XIRP1: variants seen among roughly 807,000 people sequenced by gnomAD.
The protein encoded by XIRP1 is xin actin-binding repeat-containing protein 1.
For missense variants in XIRP1, 2,378 were observed against 2,345.4 expected (o/e 1.01, Z -0.29); for synonymous variants, 984 against 947.0 (o/e 1.04, Z -0.72).
intron 1 of XIRP1, among the ~76,000 whole-genome samples, chr3:39,191,727 G>C (rs770001899): frequency 6.6e-6 from 1 of 151,116 alleles, no homozygotes. Context: ...AGCCTCTCAG[G>C]ATGGTCCCCC....
At chr3:39,191,484 A>G (rs2040088375) in intron 1 of XIRP1, among the ~76,000 whole-genome samples, 1 of 152,032 alleles carries the variant, frequency 6.6e-6, no homozygotes, top group African/African-American at 2.4e-5. Flanking sequence ...TTATTGTTCA[A>G]ATAGGGAAAC....
In XIRP1 at chr3:39,183,689, C is replaced by CTGGGG; in HGVS notation, c.*224_*225insCCCCA. The CTGGGG allele has an allele frequency of 1.4e-6, 1 of 705,114 alleles. No homozygotes were observed. The allele number at this position is 705,114 out of a possible 1,614,324, so 43.7% of individuals were successfully genotyped here. ...GCAGCTGGGAGCCCCCATCCTACCC[C>CTGGGG]CACGCCTGTGCAACTCTGTGGGCCT... On this transcript the variant is annotated 3_prime_UTR_variant, in exon 2 of 2. Transcript: ENST00000340369.
chr3:39,187,952 A>G lies in XIRP1; in HGVS notation c.1494T>C (p.Ser498=). The G allele has an allele frequency of 6.2e-7, 1 of 1,614,152 alleles. No individual in the cohort carries two copies. Among genetic ancestry groups the G allele is most frequent in the Non-Finnish European group, 8.5e-7 (1 of 1,180,026 alleles). The change falls in exon 2 of 2, where the codon TCT becomes TCC. Residue 498 remains serine (S), a synonymous_variant. Transcript: ENST00000340369. Reference sequence around the variant, plus strand: ...CTCCGACTATCTGCTCTCTGCTAACAGAGGTCAGGGCATGGAGGCGGCCCT... The same window carrying G: ...CTCCGACTATCTGCTCTCTGCTAACGGAGGTCAGGGCATGGAGGCGGCCCT... ...DSKGRLHALT[S]VSREQIVGGD... is the part of the protein sequence containing the mutation.
chr3:39,188,452 A>G lies in XIRP1; in HGVS notation c.994T>C (p.Ser332Pro), dbSNP rs754833857. 4.4e-6 allele frequency: 7 copies of G among 1,602,742 alleles called. No homozygotes were observed. The highest frequency in any genetic ancestry group is 6.0e-6 in the Non-Finnish European group (7 of 1,172,284). ...GGACCAGGTGGGATAAGGTCTGGGG[A>G]TGGCTGGAAGTCCTTCTCATCTACC... ...ILVDEKDFQP[S>P]PDLIPPGPDV... The change falls in exon 2 of 2, where the codon TCC (serine) becomes CCC (proline). Residue 332 changes from serine to proline, a missense_variant. Coordinates refer to ENST00000340369, the MANE Select transcript of XIRP1 (RefSeq NM_194293.4).
chr3:39,187,732 T>C lies in XIRP1; in HGVS notation c.1714A>G (p.Lys572Glu). The change falls in exon 2 of 2, where the codon AAA becomes GAA. Residue 572 changes from lysine (K) to glutamate (E), a missense_variant. By Grantham distance (56) the Lys-to-Glu change is moderately conservative. Coordinates refer to ENST00000340369, the MANE Select transcript of XIRP1 (RefSeq NM_194293.4). ...IHQREQQERQ[K>E]EEGKSQGDPQ... ...TCTCCCTGACTCTTCCCTTCTTCTT[T>C]CTGTCGTTCCTGCTGCTCCCGTTGG... is the stretch of plus-strand genomic sequence containing the variant. 6.2e-7 allele frequency: 1 copy of C among 1,614,078 alleles called. No homozygotes were observed. The highest frequency in any genetic ancestry group is 1.1e-5 in the South Asian group (1 of 91,084).
rs775595813 is a variant in XIRP1 at position 39,188,218 on chromosome 3, C to T, written c.1228G>A (p.Gly410Ser). Residue 410 changes from glycine to serine, a missense_variant, in exon 2 of 2, where the codon GGT (glycine) becomes AGT (serine). Physicochemically the swap from Gly to Ser is moderately conservative, Grantham distance 56. Coordinates refer to ENST00000340369, the MANE Select transcript of XIRP1 (RefSeq NM_194293.4). ...GHLQRVDPQD[G>S]EGHLSSDSSS... ...CTGTCACTGGATAGATGCCCCTCAC[C>T]GTCCTGGGGATCCACTCGCTGTAGG... is the stretch of plus-strand genomic sequence containing the variant. 15 of 1,614,084 alleles carry T rather than the reference C, an allele frequency of 9.3e-6. No homozygotes were observed. The highest frequency in any genetic ancestry group is 1.6e-4 in the Middle Eastern group (1 of 6,084).
At chr3:39,192,156 A>G (rs1413859837) in intron 1 of XIRP1, among the ~76,000 whole-genome samples, 2 of 152,226 alleles carry the variant, frequency 1.3e-5, no homozygotes, top group Non-Finnish European at 2.9e-5. Context: ...TATTTTAAAA[A>G]TCACAACTCC....
chr3:39,186,081 C>T lies in XIRP1; in HGVS notation c.3365G>A (p.Arg1122Lys). ...RIPAAPRKVS[R>K]EEQALPRGLP... ...CCCTCTGGGTAGTGCTTGCTCTTCC[C>T]TACTGACCTTTCTGGGGGCTGCTGG... The change falls in exon 2 of 2, where the codon AGG (arginine) becomes AAG (lysine). Residue 1122 changes from arginine to lysine, a missense_variant. Physicochemically the swap from Arg to Lys is conservative, Grantham distance 26. Coordinates refer to ENST00000340369, the MANE Select transcript of XIRP1 (RefSeq NM_194293.4). 1 of 1,614,088 alleles carries T rather than the reference C, an allele frequency of 6.2e-7. No homozygotes were observed. Among genetic ancestry groups the T allele is most frequent in the Non-Finnish European group, 8.5e-7 (1 of 1,179,952 alleles).
In XIRP1 at chr3:39,188,059, T is replaced by C; in HGVS notation, c.1387A>G (p.Ser463Gly). The change falls in exon 2 of 2, where the codon AGT becomes GGT. Residue 463 changes from serine (S) to glycine (G), a missense_variant. By Grantham distance (56) the Ser-to-Gly change is moderately conservative. Transcript: ENST00000340369. ...IGQGEVLAHG[S>G]PSREEGTDSA... ...TCAGTTCCTTCTTCTCTGCTTGGAC[T>C]CCCATGGGCCAGAACCTCACCCTGT... 1 of 1,614,158 alleles carries C rather than the reference T, an allele frequency of 6.2e-7. No homozygotes were observed.
Position 39,187,953 on chromosome 3 carries a change from G to T in XIRP1, c.1493C>A (p.Ser498Tyr). 6.2e-7 allele frequency: 1 copy of T among 1,614,190 alleles called. No individual in the cohort carries two copies. The highest frequency in any genetic ancestry group is 8.5e-7 in the Non-Finnish European group (1 of 1,180,026). The change falls in exon 2 of 2, where the codon TCT becomes TAT. Residue 498 changes from serine (S) to tyrosine (Y), a missense_variant. Transcript: ENST00000340369. Reference protein sequence around the residue: ...DSKGRLHALTSVSREQIVGGD... With the variant: ...DSKGRLHALTYVSREQIVGGD... The stretch of plus-strand genomic sequence containing the variant: ...TCCGACTATCTGCTCTCTGCTAACA[G>T]AGGTCAGGGCATGGAGGCGGCCCTT...
chr3:39,190,182 G>T (rs999331158), intron 1 of XIRP1, among the ~76,000 whole-genome samples: 1 of 152,300 alleles, frequency 6.6e-6, no homozygotes, highest in African/African-American at 2.4e-5. Flanking sequence ...TGAATATCTG[G>T]TCAGGGTTTT....
chr3:39,184,198 G>A lies in XIRP1; in HGVS notation c.5248C>T (p.Leu1750=). 1 of 1,614,224 alleles carries A rather than the reference G, an allele frequency of 6.2e-7. No individual in the cohort carries two copies. Among genetic ancestry groups the A allele is most frequent in the Non-Finnish European group, 8.5e-7 (1 of 1,180,030 alleles). ...CTCCCTGGCCCCGTCTGTAGCTCCA[G>A]AACACTCTTTTGCCACCCTCTGGGC... The part of the protein sequence containing the change: ...PLPRGWQKSV[L]ELQTGPGSSQ... The change falls in exon 2 of 2, where the codon CTG becomes TTG. Residue 1750 remains leucine (L), a synonymous_variant. Transcript: ENST00000340369.
chr3:39,189,236 A>G lies in XIRP1; in HGVS notation c.210T>C (p.Ala70=). The change falls in exon 2 of 2, where the codon GCT becomes GCC. Residue 70 remains alanine, a synonymous_variant. Transcript: ENST00000340369. ...CAGCCAGATCCTCGGCCACAGCCTC[A>G]GCCAGATTCTTGCGGAGCTCAGGGT... The part of the protein sequence containing the change: ...HIHPELRKNL[A]EAVAEDLAEV... 6.2e-7 allele frequency: 1 copy of G among 1,614,150 alleles called. No individual in the cohort carries two copies. The highest frequency in any genetic ancestry group is 1.1e-5 in the South Asian group (1 of 91,082).
At position 39,183,686 on chromosome 3, in the gene XIRP1, C is replaced by A; in HGVS notation, c.*228G>T. The A allele has an allele frequency of 1.5e-6, 1 of 672,404 alleles. No individual in the cohort carries two copies. Among genetic ancestry groups the A allele is most frequent in the East Asian group, 2.9e-5 (1 of 34,278 alleles). The allele number at this position is 672,404 out of a possible 1,614,324, so 41.7% of individuals were successfully genotyped here. ...CAAGCAGCTGGGAGCCCCCATCCTA[C>A]CCCCACGCCTGTGCAACTCTGTGGG... On this transcript the variant is annotated 3_prime_UTR_variant, in exon 2 of 2. Coordinates refer to ENST00000340369, the MANE Select transcript of XIRP1 (RefSeq NM_194293.4).
Position 39,186,146 on chromosome 3 carries a change from T to C in XIRP1, c.3300A>G (p.Gln1100=), listed in dbSNP as rs1210587647. 1 of 1,613,554 alleles carries C rather than the reference T, an allele frequency of 6.2e-7. No individual in the cohort carries two copies. Among genetic ancestry groups the C allele is most frequent in the Non-Finnish European group, 8.5e-7 (1 of 1,179,704 alleles). ...TTCCACCCCCAGGCCTTATGTTGCT[T>C]TGGGTAGCCCCAGCTTTCCGAAGAC... ...QDGLRKAGAT[Q]SNIRPGGGSD... The change falls in exon 2 of 2, where the codon CAA becomes CAG. Residue 1100 remains glutamine (Q), a synonymous_variant. Coordinates refer to ENST00000340369, the MANE Select transcript of XIRP1 (RefSeq NM_194293.4).
Position 39,188,666 on chromosome 3 carries a change from C to G in XIRP1, c.780G>C (p.Glu260Asp). The G allele has an allele frequency of 6.2e-7, 1 of 1,613,374 alleles. No homozygotes were observed. Among genetic ancestry groups the G allele is most frequent in the South Asian group, 1.1e-5 (1 of 91,080 alleles). ...CAGACCTCACCGCGTTGCTTTGGAT[C>G]TCCTCCCGGCATGCGGCCTTGACCT... ...IHEVKAACRE[E>D]IQSNAVRSAR... The change falls in exon 2 of 2, where the codon GAG becomes GAC. Residue 260 changes from glutamate to aspartate, a missense_variant. Physicochemically the swap from Glu to Asp is conservative, Grantham distance 45. Transcript: ENST00000340369.
Position 39,187,563 on chromosome 3 carries a change from C to A in XIRP1, c.1883G>T (p.Trp628Leu), listed in dbSNP as rs757697334. ...TAKAEAQSCT[W>L]MFKPQPVDRP... ...GTCCACAGGTTGGGGCTTGAACATC[C>A]AGGTGCAGGACTGTGCCTCAGCCTT... Residue 628 changes from tryptophan (W) to leucine (L), a missense_variant, in exon 2 of 2, where the codon TGG (tryptophan) becomes TTG (leucine). Coordinates refer to ENST00000340369, the MANE Select transcript of XIRP1 (RefSeq NM_194293.4). 12 of 1,614,090 alleles carry A rather than the reference C, an allele frequency of 7.4e-6. No individual in the cohort carries two copies. The South Asian group carries it at 1.3e-4, about 18-fold the overall frequency.
intron 1 of XIRP1, among the ~76,000 whole-genome samples, chr3:39,191,687 T>C (rs1281742744): frequency 6.6e-6 from 1 of 152,202 alleles, no homozygotes; most frequent in Non-Finnish European, 1.5e-5. Flanking sequence ...CCAAGAACTG[T>C]CCTAGAGCTT....
chr3:39,185,101 G>C lies in XIRP1; in HGVS notation c.4345C>G (p.Pro1449Ala). 6.5e-7 allele frequency: 1 copy of C among 1,540,886 alleles called. No individual in the cohort carries two copies. Among genetic ancestry groups the C allele is most frequent in the African/African-American group, 1.4e-5 (1 of 72,284 alleles). Residue 1449 changes from proline (P) to alanine (A), a missense_variant, in exon 2 of 2, where the codon CCC (proline) becomes GCC (alanine). By Grantham distance (27) the Pro-to-Ala change is conservative (BLOSUM62 -1). Coordinates refer to ENST00000340369, the MANE Select transcript of XIRP1 (RefSeq NM_194293.4). ...GCCCCTTGGTGGGAACCTTCCATGGGCTGCTCTCCTGAGGGGCCGGGGCCC... is the reference window on the plus strand; with the variant it reads ...GCCCCTTGGTGGGAACCTTCCATGGCCTGCTCTCCTGAGGGGCCGGGGCCC... ...QWGPGPSGEQ[P>A]MEGSHQGAPE...
Sources: allele counts gnomAD v4.1 joint callset (sites outside exome capture counted in the v4.1 genomes callset), GRCh38; gene constraint gnomAD v4.1.1; transcripts MANE v1.5; gene names NCBI Gene and HGNC (gene_info 2026-07-23, HGNC 2026-07-21).